Variants in ZMIZ2 observed in about 807,000 individuals in gnomAD.
ZMIZ2 encodes zinc finger MIZ domain-containing protein 2.
ZMIZ2 carries 26 observed loss-of-function variants against 93.9 expected under a neutral mutation model. The ratio of observed to expected loss-of-function variants is 0.28; its 90% CI spans 0.20 to 0.38. The LOEUF (loss-of-function observed/expected upper bound fraction) is 0.38, where lower values mean the gene tolerates loss of function less well. ZMIZ2 is among the 10% of genes least tolerant of loss of function. ZMIZ2 has a pLI of 1.00. For missense variants in ZMIZ2, 1,023 were observed against 1,235.0 expected, an observed-to-expected ratio of 0.83 and a Z score of 2.57; for synonymous variants, 485 against 516.4, an observed-to-expected ratio of 0.94 and a Z score of 0.82.
intron 1 of ZMIZ2, among the ~76,000 whole-genome samples, chr7:44,752,162 T>C (rs1340634802): frequency 6.7e-6 from 1 of 150,066 alleles, no homozygotes. Flanking sequence ...GGAGTTTCAC[T>C]CTTGCTGCCC....
Position 44,759,415 on chromosome 7 carries a change from G to T in ZMIZ2, c.948G>T (p.Met316Ile). The T allele has an allele frequency of 6.3e-7, 1 of 1,597,076 alleles. No individual in the cohort carries two copies. The highest frequency in any genetic ancestry group is 1.1e-5 in the South Asian group (1 of 89,170). The change falls in exon 7 of 19, where the codon ATG becomes ATT. Residue 316 changes from methionine (M) to isoleucine (I), a missense_variant. Coordinates refer to ENST00000309315, the MANE Select transcript of ZMIZ2 (RefSeq NM_031449.4). ...ACAGGCTGCCCCTGCAGCAGGGCAT[G>T]ACCCAGTCCCTGTCCGTGCCTGGCC... ...PGHRLPLQQGMTQSLSVPGPT... is the reference protein window; with the variant it reads ...PGHRLPLQQGITQSLSVPGPT...
intron 1 of ZMIZ2, among the ~76,000 whole-genome samples, chr7:44,752,360 C>T (rs1036848411): frequency 3.3e-5 from 5 of 152,102 alleles, no homozygotes; most frequent in African/African-American, 9.7e-5. Context: ...CCAGGCTGGT[C>T]TCGAACTCCT....
In ZMIZ2 at chr7:44,765,151, C is replaced by A; in HGVS notation, c.1997+142C>A. On this transcript the variant is annotated intron_variant, in intron 15 of 18. Coordinates refer to ENST00000309315, the MANE Select transcript of ZMIZ2 (RefSeq NM_031449.4). This position sits in a 1 kb window ranked among gnomAD's most constrained non-coding sequence, Gnocchi z 4.1. The stretch of plus-strand genomic sequence containing the variant: ...AGGCTGGATTCCAGGCCAGAGACAG[C>A]GTGTGTGTCCTACCTGAGTGTTGGT... 1 of 1,422,250 alleles carries A rather than the reference C, an allele frequency of 7.0e-7. No individual in the cohort carries two copies. The highest frequency in any genetic ancestry group is 9.6e-7 in the Non-Finnish European group (1 of 1,039,196). The allele number at this position is 1,422,250 out of a possible 1,614,324, so 88.1% of individuals were successfully genotyped here.
intron 11 of ZMIZ2, 96 bp from the exon 12 acceptor site, chr7:44,762,782 CTGG>C: frequency 7.2e-6 from 6 of 833,888 alleles, no homozygotes; most frequent in South Asian, 6.2e-5. Flanking sequence ...CCTCCCCCAC[CTGG>C]CAGCCCCTGA....
intron 1 of ZMIZ2, among the ~76,000 whole-genome samples, chr7:44,754,035 C>T (rs1790378072): frequency 6.6e-6 from 1 of 152,218 alleles, no homozygotes; most frequent in Non-Finnish European, 1.5e-5. Flanking sequence ...GCCCATGGTT[C>T]TGTTCCCATG....
Position 44,763,024 on chromosome 7 carries a change from C to G in ZMIZ2, c.1702+38C>G, listed in dbSNP as rs1791364763. 2.5e-6 allele frequency: 4 copies of G among 1,579,400 alleles called. No individual in the cohort carries two copies. In the East Asian group the frequency reaches 9.0e-5, roughly 36 times the overall value. On this transcript the variant is annotated intron_variant, in intron 12 of 18. Coordinates refer to ENST00000309315, the MANE Select transcript of ZMIZ2 (RefSeq NM_031449.4). The surrounding 1 kb of genome is among the most constrained non-coding windows in gnomAD (Gnocchi z 5.6). ...TGCCCCTCAGCTGCCAGGCAGCCAT[C>G]CCCATTCTGTGTGGCCCAAGCCCAA...
rs1414418094 is a variant in ZMIZ2 at position 44,761,101 on chromosome 7, G to A, written c.1241-348G>A. Among the ~76,000 whole-genome samples, 1 of 152,218 alleles carries A rather than the reference G, an allele frequency of 6.6e-6. No homozygotes were observed. The highest frequency in any genetic ancestry group is 1.5e-5 in the Non-Finnish European group (1 of 68,032). On this transcript the variant is annotated intron_variant, in intron 9 of 18. Coordinates refer to ENST00000309315, the MANE Select transcript of ZMIZ2 (RefSeq NM_031449.4). The surrounding 1 kb of genome is among the most constrained non-coding windows in gnomAD (Gnocchi z 5.8). ...CAGAGCTATAGGGCAATTGCAGGAG[G>A]CTCTCACACACCTTGGCCTCCCAGT... is the stretch of plus-strand genomic sequence containing the variant.
In ZMIZ2 at chr7:44,761,724, A is replaced by G. The variant is rs745890403; in HGVS notation, c.1415A>G (p.Tyr472Cys). 2 of 1,613,922 alleles carry G rather than the reference A, an allele frequency of 1.2e-6. No individual in the cohort carries two copies. The highest frequency in any genetic ancestry group is 1.7e-6 in the Non-Finnish European group (2 of 1,180,024). Residue 472 changes from tyrosine (Y) to cysteine (C), a missense_variant, in exon 11 of 19, where the codon TAC becomes TGC. By Grantham distance (194) the Tyr-to-Cys change is radical (BLOSUM62 -2). This residue lies in a region of ZMIZ2 where 656 missense variants were observed against 777.1 expected (regional missense o/e 0.84). Transcript: ENST00000309315. This position sits in a 1 kb window ranked among gnomAD's most constrained non-coding sequence, Gnocchi z 5.8. ...RPDLELQFKC[Y>C]HHEDRQMNTN... ...GACCTGGAGCTGCAATTCAAGTGCT[A>G]CCACCACGAGGACCGGCAGATGAAC...
chr7:44,765,704 C>A lies in ZMIZ2; in HGVS notation c.2242+125C>A. Reference sequence around the variant, plus strand: ...TCACACACCTAGGTTATCAGTGTTGCCACACAAAACATGCCGCGGGGCACC... The same window carrying A: ...TCACACACCTAGGTTATCAGTGTTGACACACAAAACATGCCGCGGGGCACC... On this transcript the variant is annotated intron_variant, in intron 16 of 18. Transcript: ENST00000309315. This position sits in a 1 kb window ranked among gnomAD's most constrained non-coding sequence, Gnocchi z 4.1. 7.2e-7 allele frequency: 1 copy of A among 1,393,738 alleles called. No individual in the cohort carries two copies. Among genetic ancestry groups the A allele is most frequent in the Non-Finnish European group, 9.6e-7 (1 of 1,037,542 alleles). 86.3% of individuals were successfully genotyped at this position (1,393,738 alleles called of 1,614,324 possible).
chr7:44,750,563 A>G (rs1271650477), intron 1 of ZMIZ2, among the ~76,000 whole-genome samples: 2 of 152,158 alleles, frequency 1.3e-5, no homozygotes, highest in East Asian at 1.9e-4. Context: ...CACAGGGCCC[A>G]CTTGCTGGTC....
intron 11 of ZMIZ2, 68 bp from the exon 12 acceptor site, chr7:44,762,813 A>G: frequency 9.3e-7 from 1 of 1,080,616 alleles, no homozygotes; most frequent in Non-Finnish European, 1.2e-6. Context: ...CCCCCAGCAC[A>G]CCCTTTACCT....
rs373887383 is a variant in ZMIZ2 at position 44,759,256 on chromosome 7, C to T, written c.814-25C>T. ...GCTCCCCTGATGCCTTTTTTCTCCC[C>T]TCGGGCATTTTGCCTCTTTTTCAGG... On this transcript the variant is annotated intron_variant, in intron 6 of 18. Transcript: ENST00000309315. 5.4e-6 allele frequency: 8 copies of T among 1,472,578 alleles called. No individual in the cohort carries two copies. The African/African-American group carries it at 8.7e-5, about 16-fold the overall frequency. 91.2% of individuals were successfully genotyped at this position (1,472,578 alleles called of 1,614,324 possible).
In ZMIZ2 at chr7:44,757,951, T is replaced by A. The variant is rs931620974; in HGVS notation, c.656T>A (p.Met219Lys). 3 of 1,612,030 alleles carry A rather than the reference T, an allele frequency of 1.9e-6. No homozygotes were observed. Among genetic ancestry groups the A allele is most frequent in the Non-Finnish European group, 2.5e-6 (3 of 1,179,034 alleles). ...AACCCTACTGGCATAGGAGGGGTAA[T>A]GGGCCCCTCTGGCCTCTCCCCCTTG... ...GMNPTGIGGV[M>K]GPSGLSPLAM... The change falls in exon 6 of 19, where the codon ATG (methionine) becomes AAG (lysine). Residue 219 changes from methionine (M) to lysine (K), a missense_variant. Coordinates refer to ENST00000309315, the MANE Select transcript of ZMIZ2 (RefSeq NM_031449.4).
intron 11 of ZMIZ2, among the ~76,000 whole-genome samples, chr7:44,762,138 G>A (rs1307522061): frequency 6.6e-6 from 1 of 152,282 alleles, no homozygotes; most frequent in Non-Finnish European, 1.5e-5. Context: ...TTGCAGGGTG[G>A]AGAGCAGGAC....
chr7:44,757,174 G>C, intron 4 of ZMIZ2, 25 bp downstream of exon 4: 1 of 1,579,836 alleles, frequency 6.3e-7, no homozygotes, highest in East Asian at 2.3e-5. Context: ...TCACCTGGCA[G>C]GTATGCTAGG....
At chr7:44,764,883 T>C (rs1791546448) in intron 14 of ZMIZ2, 58 bp from the exon 15 acceptor site, 1 of 1,582,162 alleles carries the variant, frequency 6.3e-7, no homozygotes, top group South Asian at 1.1e-5. Flanking sequence ...TGACAGGGCC[T>C]GTGCCCAGGA....
chr7:44,760,567 T>C lies in ZMIZ2; in HGVS notation c.1214T>C (p.Leu405Pro). 6.2e-7 allele frequency: 1 copy of C among 1,613,866 alleles called. No homozygotes were observed. Among genetic ancestry groups the C allele is most frequent in the Non-Finnish European group, 8.5e-7 (1 of 1,179,968 alleles). ...SPFLPDLKPN[L>P]NSLHSSPSGS... ...TTCTTGCCTGATCTCAAGCCCAACCTCAACTCCTTGCACTCATCGCCCTCT... is the reference window on the plus strand; with the variant it reads ...TTCTTGCCTGATCTCAAGCCCAACCCCAACTCCTTGCACTCATCGCCCTCT... The change falls in exon 9 of 19, where the codon CTC (leucine) becomes CCC (proline). Residue 405 changes from leucine to proline, a missense_variant. Transcript: ENST00000309315.
At chr7:44,760,330 T>A in intron 8 of ZMIZ2, 95 bp from the exon 9 acceptor site, 1 of 1,573,340 alleles carries the variant, frequency 6.4e-7, no homozygotes. Flanking sequence ...CCTGTCCACC[T>A]CTGTTATCAT....
Position 44,767,681 on chromosome 7 carries a change from C to A in ZMIZ2, c.*58C>A. 6.8e-7 allele frequency: 1 copy of A among 1,470,758 alleles called. No homozygotes were observed. The highest frequency in any genetic ancestry group is 9.5e-7 in the Non-Finnish European group (1 of 1,052,774). The allele number at this position is 1,470,758 out of a possible 1,614,324, so 91.1% of individuals were successfully genotyped here. A position where few individuals can be genotyped will look rare whatever the true frequency, so the allele number is the denominator to read the frequency against. On this transcript the variant is annotated 3_prime_UTR_variant, in exon 19 of 19. Transcript: ENST00000309315. ...GCTCACAGATGTCACCACAGCCCTGCCCTTCATGCCCAGCCCCATGGGACA... is the reference window on the plus strand; with the variant it reads ...GCTCACAGATGTCACCACAGCCCTGACCTTCATGCCCAGCCCCATGGGACA...
Sources: allele counts gnomAD v4.1 joint callset (sites outside exome capture counted in the v4.1 genomes callset), GRCh38; gene constraint gnomAD v4.1.1; regional missense constraint gnomAD v4.1.1; non-coding constraint Gnocchi (gnomAD v3.1); transcripts MANE v1.5; gene names NCBI Gene and HGNC (gene_info 2026-07-23, HGNC 2026-07-21).